Variants in CSMD1 observed in about 807,000 individuals in gnomAD.
The protein encoded by CSMD1 is CUB and Sushi multiple domains 1, also known as CUB and sushi domain-containing protein 1.
CSMD1 carries 213 observed loss-of-function variants against 417.5 expected under a neutral mutation model. That is an observed-to-expected ratio of 0.51 (90% CI 0.46 to 0.57). CSMD1 has a LOEUF of 0.57. CSMD1 is among the 20% of genes least tolerant of loss of function. The pLI, the probability that CSMD1 is intolerant of heterozygous loss-of-function variation, is 0.00. For missense variants in CSMD1, 6,923 were observed against 4,529.7 expected (o/e 1.53, Z -15.17); for synonymous variants, 2,862 against 1,736.8 (o/e 1.65, Z -16.11).
At chr8:3,897,414 A>T (rs986223086) in intron 5 of CSMD1, among the ~76,000 whole-genome samples, 1 of 152,196 alleles carries the variant, frequency 6.6e-6, no homozygotes, top group African/African-American at 2.4e-5. Context: ...TGTTTCTCAA[A>T]GACCTGTTAT....
At position 4,409,640 on chromosome 8, in the gene CSMD1, T is replaced by TC. The variant is rs1278495300; in HGVS notation, c.415+10312_415+10313insG. On this transcript the variant is annotated intron_variant, in intron 3 of 69. Transcript: ENST00000635120. ...TAGATTCATCATTATTTGACTTTTTTTCTTTTTTTTTTTTTTTTTTTTAAC... is the reference window on the plus strand; with the variant it reads ...TAGATTCATCATTATTTGACTTTTTTCTCTTTTTTTTTTTTTTTTTTTTAAC... Among the ~76,000 whole-genome samples the TC allele has an allele frequency of 1.0e-3, 54 of 52,602 alleles. No homozygotes were observed. In the East Asian group the frequency reaches 0.022, roughly 21 times the overall value. The allele number at this position is 52,602 out of a possible 152,430, so 34.5% of individuals were successfully genotyped here.
chr8:2,982,323 T>C (rs1171382032), intron 54 of CSMD1, among the ~76,000 whole-genome samples: 1 of 152,168 alleles, frequency 6.6e-6, no homozygotes, highest in Non-Finnish European at 1.5e-5. Context: ...GCCACTGCAC[T>C]GCAGCCTGGG....
chr8:4,830,627 G>A (rs1488675664), intron 1 of CSMD1, among the ~76,000 whole-genome samples: 34 of 152,180 alleles, frequency 2.2e-4, no homozygotes, highest in Non-Finnish European at 7.3e-5. Context: ...TGACTTGATC[G>A]TGGTAGTTTT....
intron 5 of CSMD1, among the ~76,000 whole-genome samples, chr8:3,889,536 C>G (rs1806810113): frequency 2.0e-5 from 2 of 99,314 alleles, no homozygotes; most frequent in Admixed American, 1.2e-4. Flanking sequence ...TATATACATA[C>G]ACACATATGT....
At chr8:4,428,432 G>A (rs1281093190) in intron 2 of CSMD1, among the ~76,000 whole-genome samples, 1 of 152,118 alleles carries the variant, frequency 6.6e-6, no homozygotes, top group African/African-American at 2.4e-5. Context: ...ATTTGCTAAT[G>A]CAATATGGAA....
At chr8:3,639,359 G>C (rs1024273740) in intron 7 of CSMD1, among the ~76,000 whole-genome samples, 5 of 152,174 alleles carry the variant, frequency 3.3e-5, no homozygotes, top group Non-Finnish European at 7.3e-5. Flanking sequence ...AGAGGAAAAA[G>C]AGAGAATGAA....
chr8:4,441,547 A>T lies in CSMD1; in HGVS notation c.303-21482T>A, dbSNP rs537501412. Reference sequence around the variant, plus strand: ...TTCAATTTTCATGTGCAAAACATAGAAGCACATGAAAGCCTATCTCATCTA... The same window carrying T: ...TTCAATTTTCATGTGCAAAACATAGTAGCACATGAAAGCCTATCTCATCTA... On this transcript the variant is annotated intron_variant, in intron 2 of 69. Coordinates refer to ENST00000635120, the MANE Select transcript of CSMD1 (RefSeq NM_033225.6). Among the ~76,000 whole-genome samples, 11 of 152,254 alleles carry T rather than the reference A, an allele frequency of 7.2e-5. No homozygotes were observed. The South Asian group carries it at 2.3e-3, about 32-fold the overall frequency.
At chr8:4,078,513 C>G (rs1799950069) in intron 3 of CSMD1, among the ~76,000 whole-genome samples, 1 of 151,862 alleles carries the variant, frequency 6.6e-6, no homozygotes, top group South Asian at 2.1e-4. Flanking sequence ...ATCTGCCCAC[C>G]TCGGCCTCCC....
chr8:4,621,190 A>T lies in CSMD1; in HGVS notation c.302+16152T>A, dbSNP rs1344853619. ...TATATGCAGACCTATAAATAATGAG[A>T]AATCCTGGGGATGAGACCCAACACT... On this transcript the variant is annotated intron_variant, in intron 2 of 69. Transcript: ENST00000635120. 2.0e-5 allele frequency among the ~76,000 whole-genome samples: 3 copies of T among 152,072 alleles called. No homozygotes were observed. The East Asian group carries it at 5.8e-4, about 29-fold the overall frequency.
chr8:4,738,578 G>A (rs530265941), intron 1 of CSMD1, among the ~76,000 whole-genome samples: 39 of 151,924 alleles, frequency 2.6e-4, no homozygotes, highest in Admixed American at 2.6e-3. Context: ...ACTTGAATGG[G>A]GACACAAAGC....
At position 4,095,288 on chromosome 8, in the gene CSMD1, T is replaced by G. The variant is rs149027578; in HGVS notation, c.416-63189A>C. ...CCGAGGAGATTAAAATGTGTAACCT[T>G]TAATATCAATTCTGTTATTACCTGA... On this transcript the variant is annotated intron_variant, in intron 3 of 69. Coordinates refer to ENST00000635120, the MANE Select transcript of CSMD1 (RefSeq NM_033225.6). 1.2e-4 allele frequency among the ~76,000 whole-genome samples: 19 copies of G among 152,318 alleles called. No individual in the cohort carries two copies. The East Asian group carries it at 2.9e-3, about 23-fold the overall frequency.
At chr8:3,507,978 G>T (rs2117379008) in intron 10 of CSMD1, among the ~76,000 whole-genome samples, 1 of 152,224 alleles carries the variant, frequency 6.6e-6, no homozygotes, top group East Asian at 1.9e-4. Flanking sequence ...TCTGATGTTG[G>T]TTTCTTTTGC....
At chr8:4,150,401 G>T (rs968538015) in intron 3 of CSMD1, among the ~76,000 whole-genome samples, 5 of 152,096 alleles carry the variant, frequency 3.3e-5, no homozygotes, top group African/African-American at 1.2e-4. Flanking sequence ...GAAGTAATGT[G>T]GACTCTCTTA....
intron 3 of CSMD1, among the ~76,000 whole-genome samples, chr8:4,375,429 A>G (rs1025915008): frequency 9.2e-5 from 14 of 152,094 alleles, no homozygotes; most frequent in Admixed American, 8.5e-4. Context: ...ATCTTGTACT[A>G]CCCCAGGAAA....
chr8:3,310,946 G>C (rs1452222088), intron 23 of CSMD1, among the ~76,000 whole-genome samples: 2 of 152,174 alleles, frequency 1.3e-5, no homozygotes, highest in Non-Finnish European at 2.9e-5. Context: ...ACTGAGCTTT[G>C]AAACACATCT....
At chr8:3,913,370 C>T (rs1373787278) in intron 5 of CSMD1, among the ~76,000 whole-genome samples, 2 of 151,996 alleles carry the variant, frequency 1.3e-5, no homozygotes, top group African/African-American at 4.8e-5. Context: ...AAGCAACAAG[C>T]ACAAAGGGAA....
intron 3 of CSMD1, among the ~76,000 whole-genome samples, chr8:4,301,795 T>C (rs532260903): frequency 1.3e-5 from 2 of 152,344 alleles, no homozygotes; most frequent in South Asian, 2.1e-4. Flanking sequence ...ACTCTTGATT[T>C]TGCCAGGGGG....
At chr8:3,333,254 G>C (rs922679801) in intron 23 of CSMD1, among the ~76,000 whole-genome samples, 1 of 152,058 alleles carries the variant, frequency 6.6e-6, no homozygotes, top group African/African-American at 2.4e-5. Flanking sequence ...AGCCGTGTCT[G>C]GGCTCCTGAC....
At chr8:4,049,910 G>T (rs13263899) in intron 3 of CSMD1, among the ~76,000 whole-genome samples, 1 of 48,366 alleles carries the variant, frequency 2.1e-5, no homozygotes, top group South Asian at 1.1e-3. Context: ...TTCTGTTTCA[G>T]GAATCCATTC....
Sources: gnomAD v4.1 joint callset for allele counts (sites outside exome capture counted in the v4.1 genomes callset) on GRCh38, gnomAD v4.1.1 for gene constraint, MANE v1.5 for transcripts, NCBI Gene and HGNC (gene_info 2026-07-23, HGNC 2026-07-21) for gene names.